The following CKMT2 variants were observed in gnomAD, a reference collection of about 807,000 sequenced individuals.
CKMT2 encodes the protein creatine kinase, mitochondrial 2, also known as creatine kinase S-type, mitochondrial.
A neutral mutation model predicts 48.9 loss-of-function variants in CKMT2; 43 were observed. The ratio of observed to expected loss-of-function variants is 0.88; its 90% CI spans 0.69 to 1.13. The LOEUF is 1.13. Among genes scored for constraint, CKMT2 ranks in the 50% most tolerant of loss-of-function variants. The pLI is 0.00. For synonymous variants in CKMT2, 206 were observed against 213.0 expected, an observed-to-expected ratio of 0.97 and a Z score of 0.29; for missense variants, 472 against 555.4, an observed-to-expected ratio of 0.85 and a Z score of 1.51.
At chr5:81,242,357 G>T in intron 1 of CKMT2, 2 of 438,594 alleles carry the variant, frequency 4.6e-6, no homozygotes, top group South Asian at 2.0e-5. Flanking sequence ...AGTACTCTTT[G>T]ATGACATCCT....
At chr5:81,259,018 T>C (rs1580454770) in intron 7 of CKMT2, 102 bp from the exon 8 acceptor site, 1 of 1,108,922 alleles carries the variant, frequency 9.0e-7, no homozygotes, top group Non-Finnish European at 1.3e-6. Flanking sequence ...ATTTCATTCA[T>C]GCCAGAGGAG....
intron 1 of CKMT2, among the ~76,000 whole-genome samples, chr5:81,250,075 G>A (rs1483301717): frequency 6.6e-6 from 1 of 151,750 alleles, no homozygotes; most frequent in Non-Finnish European, 1.5e-5. Context: ...TCTCTTTCTG[G>A]GACTTCAATT....
chr5:81,266,111 T>TAATC (rs762182896), intron 9 of CKMT2, 28 bp from the exon 10 acceptor site: 11 of 1,607,778 alleles, frequency 6.8e-6, no homozygotes, highest in East Asian at 2.2e-5. Flanking sequence ...CTATTCAAAT[T>TAATC]AATCATTCAT....
At chr5:81,242,914 T>C (rs1159603721) in intron 1 of CKMT2, among the ~76,000 whole-genome samples, 3 of 152,232 alleles carry the variant, frequency 2.0e-5, no homozygotes, top group Admixed American at 6.5e-5. Flanking sequence ...TAGGTCAAGA[T>C]GCTATCTTTA....
chr5:81,256,887 T>C (rs1161580914), intron 5 of CKMT2, 28 bp from the exon 6 acceptor site: 1 of 1,551,780 alleles, frequency 6.4e-7, no homozygotes, highest in South Asian at 1.1e-5. Flanking sequence ...CAGTCTCTCC[T>C]CTCTGCTTTA....
intron 1 of CKMT2, among the ~76,000 whole-genome samples, chr5:81,249,441 T>C (rs1169034519): frequency 6.6e-6 from 1 of 152,112 alleles, no homozygotes; most frequent in Non-Finnish European, 1.5e-5. Flanking sequence ...TACGTACTCT[T>C]TTGTTCTCTA....
At chr5:81,254,530 C>T (rs773392416) in intron 4 of CKMT2, 39 bp downstream of exon 4, 1 of 1,571,800 alleles carries the variant, frequency 6.4e-7, no homozygotes, top group Non-Finnish European at 8.8e-7. Context: ...ACGAAGCTGG[C>T]ACTCCTGAGC....
intron 1 of CKMT2, among the ~76,000 whole-genome samples, chr5:81,234,770 G>C (rs112515473): frequency 1.3e-5 from 2 of 152,132 alleles, no homozygotes; most frequent in African/African-American, 4.8e-5. Flanking sequence ...GTACCATACA[G>C]AATGGGGAGT....
chr5:81,233,562 C>T (rs1023529043), intron 1 of CKMT2, among the ~76,000 whole-genome samples, 185 bp downstream of exon 1: 2 of 152,178 alleles, frequency 1.3e-5, no homozygotes, highest in African/African-American at 4.8e-5. Flanking sequence ...CGAAGCGACC[C>T]CTCCTCCCTG....
At chr5:81,237,962 T>C (rs1312765140) in intron 1 of CKMT2, 1 of 152,210 alleles carries the variant, frequency 6.6e-6, no homozygotes, top group Non-Finnish European at 1.5e-5. Flanking sequence ...TCAAACTATC[T>C]GTGGCAAAAT....
chr5:81,266,276 T>G lies in CKMT2; in HGVS notation c.*18T>G. 6.2e-7 allele frequency: 1 copy of G among 1,611,390 alleles called. No homozygotes were observed. Among genetic ancestry groups the G allele is most frequent in the South Asian group, 1.1e-5 (1 of 90,992 alleles). On this transcript the variant is annotated 3_prime_UTR_variant, in exon 10 of 10. Transcript: ENST00000254035. ...AAAAGTAAACTTTCCCTTTCCCAATTTATAAATAATCTGTCTGCTGGTACG... is the reference window on the plus strand; with the variant it reads ...AAAAGTAAACTTTCCCTTTCCCAATGTATAAATAATCTGTCTGCTGGTACG...
rs750644307 is a variant in CKMT2, at chr5:81,266,165, T to TG, written c.1169dup (p.Val391SerfsTer8). 6 of 1,612,800 alleles carry TG rather than the reference T, an allele frequency of 3.7e-6. No homozygotes were observed. Among genetic ancestry groups the TG allele is most frequent in the Non-Finnish European group, 5.1e-6 (6 of 1,178,842 alleles). On this transcript the variant is annotated frameshift_variant, in exon 10 of 10. Coordinates refer to ENST00000254035, the MANE Select transcript of CKMT2 (RefSeq NM_001099735.2). LOFTEE classifies it high-confidence loss of function. ...TTGAGCTTGTTCAGATAGTCATCGA[T>TG]GGAGTCAATTACCTGGTGGATTGTG...
chr5:81,264,203 T>C (rs1757321930), intron 9 of CKMT2, among the ~76,000 whole-genome samples: 1 of 152,184 alleles, frequency 6.6e-6, no homozygotes, highest in Non-Finnish European at 1.5e-5. Context: ...TTCATAGACT[T>C]TGTGTGGCCT....
At chr5:81,262,177 T>A (rs141100829) in intron 8 of CKMT2, among the ~76,000 whole-genome samples, 2 of 152,224 alleles carry the variant, frequency 1.3e-5, no homozygotes, top group Non-Finnish European at 2.9e-5. Context: ...TTACACTTTA[T>A]ACAAAAAGTA....
At chr5:81,260,928 C>G (rs10071174) in intron 8 of CKMT2, among the ~76,000 whole-genome samples, 56,146 of 151,922 alleles carry the variant, frequency 0.37, 11,089 homozygotes, top group Admixed American at 0.48. Context: ...AAAAATTTCA[C>G]GGCAATATCT....
chr5:81,256,979 G>A lies in CKMT2; in HGVS notation c.734G>A (p.Trp245Ter), dbSNP rs761393481. Residue 245 changes from tryptophan to a stop codon, truncating the protein, a stop_gained, in exon 6 of 10, where the codon TGG (tryptophan) becomes TAG (stop). Transcript: ENST00000254035. LOFTEE classifies it high-confidence loss of function. ...ACATGTGCTGGGATGGCCCGTGACT[G>A]GCCAGATGCCAGGGGAATCTGGTAT... Reference protein sequence around the residue: ...LLTCAGMARDWPDARGIWHNY... With the variant: ...LLTCAGMARD The A allele has an allele frequency of 3.7e-6, 6 of 1,613,820 alleles. No homozygotes were observed. The highest frequency in any genetic ancestry group is 5.1e-6 in the Non-Finnish European group (6 of 1,179,852).
intron 7 of CKMT2, among the ~76,000 whole-genome samples, chr5:81,258,259 C>T (rs2112817094): frequency 6.6e-6 from 1 of 152,278 alleles, no homozygotes; most frequent in East Asian, 1.9e-4. Context: ...TGGAGTGCAA[C>T]TTCCAAGGTA....
chr5:81,265,346 T>C (rs933610063), intron 9 of CKMT2, among the ~76,000 whole-genome samples: 2 of 152,188 alleles, frequency 1.3e-5, no homozygotes, highest in East Asian at 1.9e-4. Flanking sequence ...AAGAGATAGA[T>C]AGGGAGGCAG....
chr5:81,248,088 A>T lies in CKMT2; in HGVS notation c.-20-3025A>T, dbSNP rs553021720. 4.6e-5 allele frequency among the ~76,000 whole-genome samples: 7 copies of T among 152,254 alleles called. No individual in the cohort carries two copies. The East Asian group carries it at 1.4e-3, about 29-fold the overall frequency. The stretch of plus-strand genomic sequence containing the variant: ...ACACATCACCCTTACAGGGAGGAAG[A>T]CCTCCAGTGGTCACAGGACTATACA... On this transcript the variant is annotated intron_variant, in intron 1 of 9. Transcript: ENST00000254035.
Sources: allele counts gnomAD v4.1 joint callset (sites outside exome capture counted in the v4.1 genomes callset), GRCh38; gene constraint gnomAD v4.1.1; transcripts MANE v1.5; gene names NCBI Gene and HGNC (gene_info 2026-07-23, HGNC 2026-07-21).